Variants in CFAP95 observed in about 807,000 individuals in gnomAD.
CFAP95 encodes cilia- and flagella-associated protein 95.
the CFAP95 span, among the ~76,000 whole-genome samples, chr9:69,821,707 G>C: frequency 6.6e-6 from 1 of 151,886 alleles, no homozygotes; most frequent in Non-Finnish European, 1.5e-5. Context: ...ACTGGTTAAG[G>C]CCAACAGACA....
the CFAP95 span, among the ~76,000 whole-genome samples, chr9:69,859,126 T>A: frequency 6.6e-6 from 1 of 152,272 alleles, no homozygotes; most frequent in African/African-American, 2.4e-5. Context: ...TCAGAGAAAT[T>A]TTCTTGATTT....
the CFAP95 span, among the ~76,000 whole-genome samples, chr9:69,868,436 T>C: frequency 6.6e-6 from 1 of 152,016 alleles, no homozygotes; most frequent in African/African-American, 2.4e-5. Flanking sequence ...GGGCAGTGAA[T>C]CACTTGAGGC....
chr9:69,846,264 C>T, the CFAP95 span, among the ~76,000 whole-genome samples: 2 of 152,038 alleles, frequency 1.3e-5, no homozygotes, highest in African/African-American at 4.8e-5. Flanking sequence ...GGTATAGGAA[C>T]CACAAACATT....
At chr9:69,905,410 C>T in the CFAP95 span, among the ~76,000 whole-genome samples, 1 of 152,082 alleles carries the variant, frequency 6.6e-6, no homozygotes, top group Non-Finnish European at 1.5e-5. Context: ...TGTTTTATTA[C>T]AATGAAGCTT....
At chr9:69,853,172 G>T in the CFAP95 span, among the ~76,000 whole-genome samples, 11 of 152,282 alleles carry the variant, frequency 7.2e-5, no homozygotes, top group East Asian at 9.7e-4. Flanking sequence ...AAGAGATTCT[G>T]CCAAGGGTAA....
At chr9:69,849,110 A>T in the CFAP95 span, among the ~76,000 whole-genome samples, 1 of 152,144 alleles carries the variant, frequency 6.6e-6, no homozygotes, top group Non-Finnish European at 1.5e-5. Flanking sequence ...AGTTTTCTTC[A>T]TGACACTTAC....
chr9:69,859,914 TA>T, the CFAP95 span, among the ~76,000 whole-genome samples: 1 of 151,912 alleles, frequency 6.6e-6, no homozygotes, highest in African/African-American at 2.4e-5. Context: ...TATCTAAACA[TA>T]AAAAAGTACA....
chr9:69,867,318 A>C, the CFAP95 span, among the ~76,000 whole-genome samples: 1 of 152,210 alleles, frequency 6.6e-6, no homozygotes, highest in African/African-American at 2.4e-5. Context: ...TGATGGGCTG[A>C]TGGCTGACTC....
the CFAP95 span, among the ~76,000 whole-genome samples, chr9:69,889,822 T>C: frequency 3.3e-5 from 5 of 152,226 alleles, no homozygotes; most frequent in Non-Finnish European, 7.4e-5. Context: ...GCCTTTATAA[T>C]CTCCATAGAT....
chr9:69,905,330 T>A, the CFAP95 span, among the ~76,000 whole-genome samples: 1 of 152,216 alleles, frequency 6.6e-6, no homozygotes, highest in Non-Finnish European at 1.5e-5. Flanking sequence ...ATGTTCCATG[T>A]CTGCCATTAC....
the CFAP95 span, among the ~76,000 whole-genome samples, chr9:69,847,169 T>C: frequency 6.6e-6 from 1 of 152,056 alleles, no homozygotes; most frequent in Non-Finnish European, 1.5e-5. Flanking sequence ...CAAAAGGAAA[T>C]AACTTGCTGT....
chr9:69,872,082 G>GTT, the CFAP95 span, among the ~76,000 whole-genome samples: 73 of 152,270 alleles, frequency 4.8e-4, no homozygotes, highest in Middle Eastern at 6.8e-3. Flanking sequence ...CTTTCCAAAA[G>GTT]TTTTTCATCC....
At chr9:69,850,549 A>T in the CFAP95 span, among the ~76,000 whole-genome samples, 1 of 152,220 alleles carries the variant, frequency 6.6e-6, no homozygotes. Flanking sequence ...GGGAAATTCA[A>T]TTATTTACTT....
At chr9:69,843,177 C>T in the CFAP95 span, among the ~76,000 whole-genome samples, 1 of 152,096 alleles carries the variant, frequency 6.6e-6, no homozygotes, top group Non-Finnish European at 1.5e-5. Flanking sequence ...TCCCCCACAC[C>T]TACCAAAGTC....
At chr9:69,880,654 C>A in the CFAP95 span, among the ~76,000 whole-genome samples, 5 of 152,116 alleles carry the variant, frequency 3.3e-5, no homozygotes. Context: ...ATACTGATTT[C>A]CTTTGTTTTG....
the CFAP95 span, among the ~76,000 whole-genome samples, chr9:69,848,256 G>T: frequency 6.6e-6 from 1 of 152,144 alleles, no homozygotes; most frequent in Non-Finnish European, 1.5e-5. Context: ...GATCCATTGT[G>T]GACCATGGGG....
the CFAP95 span, among the ~76,000 whole-genome samples, chr9:69,857,069 TG>T: frequency 1.4e-4 from 21 of 152,284 alleles, no homozygotes; most frequent in African/African-American, 5.1e-4. Context: ...TTCGTAGGGT[TG>T]TTATGAAATT....
chr9:69,898,960 C>T, the CFAP95 span, among the ~76,000 whole-genome samples: 1 of 151,830 alleles, frequency 6.6e-6, no homozygotes, highest in Non-Finnish European at 1.5e-5. Flanking sequence ...AGCTATGAAT[C>T]ATCTTTGGTT....
At chr9:69,904,747 C>T in the CFAP95 span, among the ~76,000 whole-genome samples, 3 of 152,308 alleles carry the variant, frequency 2.0e-5, no homozygotes, top group East Asian at 1.9e-4. Context: ...ATTTGACCTA[C>T]CCACCAAGCA....
Sources: gnomAD v4.1 joint callset for allele counts (sites outside exome capture counted in the v4.1 genomes callset) on GRCh38, gnomAD v4.1.1 for gene constraint, MANE v1.5 for transcripts, NCBI Gene and HGNC (gene_info 2026-07-23, HGNC 2026-07-21) for gene names.